Variants in ADGRL2 observed in about 807,000 individuals in gnomAD.
The protein encoded by ADGRL2 is calcium-independent alpha-latrotoxin receptor 2.
In ADGRL2, 44 loss-of-function variants were observed where a neutral mutation model predicts 157.4. The ratio of observed to expected loss-of-function variants is 0.28; its 90% confidence interval spans 0.22 to 0.36. The LOEUF (loss-of-function observed/expected upper bound fraction) is 0.36. Ranked by LOEUF, ADGRL2 falls within the 10% of genes least tolerant of loss-of-function variation. The pLI is 1.00. For missense variants in ADGRL2, 1,510 were observed against 1,768.9 expected (o/e 0.85, Z 2.63); for synonymous variants, 585 against 624.7 (o/e 0.94, Z 0.95).
At chr1:81,841,026 A>G (rs990164384) in intron 2 of ADGRL2, among the ~76,000 whole-genome samples, 2 of 152,168 alleles carry the variant, frequency 1.3e-5, no homozygotes, top group African/African-American at 4.8e-5. Context: ...CTTGGCAAGC[A>G]TAAGTTAGAC....
intron 2 of ADGRL2, among the ~76,000 whole-genome samples, chr1:81,465,972 G>A (rs1371362695): frequency 2.6e-5 from 4 of 152,100 alleles, no homozygotes; most frequent in Non-Finnish European, 1.5e-5. Flanking sequence ...AAAAAAGTGA[G>A]GAAAGACCAA....
intron 3 of ADGRL2, among the ~76,000 whole-genome samples, chr1:81,590,864 G>A (rs1290779452): frequency 6.6e-6 from 1 of 151,748 alleles, no homozygotes; most frequent in East Asian, 1.9e-4. Context: ...ACTTTGCTAG[G>A]TATTAAATCC....
chr1:81,699,413 T>C (rs2149025291), upstream of ADGRL2, among the ~76,000 whole-genome samples: 1 of 152,296 alleles, frequency 6.6e-6, no homozygotes, highest in Admixed American at 6.5e-5. Context: ...ACAATGACGG[T>C]GCTGCTTAAC....
chr1:81,766,344 T>A (rs892773353), intron 2 of ADGRL2, among the ~76,000 whole-genome samples: 2 of 152,178 alleles, frequency 1.3e-5, no homozygotes, highest in African/African-American at 2.4e-5. Context: ...CTAAACAATA[T>A]CGTAAGTTGG....
chr1:81,371,479 A>G (rs745807176), intron 1 of ADGRL2, among the ~76,000 whole-genome samples: 19 of 152,214 alleles, frequency 1.2e-4, no homozygotes, highest in Non-Finnish European at 2.6e-4. Context: ...ACACGTTTCT[A>G]TTAATATTGA....
chr1:81,875,742 G>C (rs1028692896), intron 2 of ADGRL2, among the ~76,000 whole-genome samples: 3 of 152,064 alleles, frequency 2.0e-5, no homozygotes, highest in African/African-American at 7.2e-5. Flanking sequence ...GGGGGCTTAG[G>C]GTTTATGTGT....
At chr1:81,903,956 A>T (rs1448379501) in intron 2 of ADGRL2, among the ~76,000 whole-genome samples, 1 of 151,710 alleles carries the variant, frequency 6.6e-6, no homozygotes, top group African/African-American at 2.4e-5. Flanking sequence ...TGACAATTTA[A>T]ATATTTTTTT....
At chr1:81,322,139 CAT>C (rs1660564610) in intron 1 of ADGRL2, among the ~76,000 whole-genome samples, 2 of 105,732 alleles carry the variant, frequency 1.9e-5, no homozygotes, top group African/African-American at 6.6e-5. Flanking sequence ...CACACACGTA[CAT>C]ATATATACAT....
At chr1:81,889,893 A>ATT (rs2094216598) in intron 2 of ADGRL2, among the ~76,000 whole-genome samples, 1 of 152,134 alleles carries the variant, frequency 6.6e-6, no homozygotes, top group Admixed American at 6.5e-5. Flanking sequence ...ATACAGATGT[A>ATT]CCCACCCTTC....
chr1:81,695,194 G>T (rs528893994), upstream of ADGRL2, among the ~76,000 whole-genome samples: 4 of 151,710 alleles, frequency 2.6e-5, no homozygotes, highest in Non-Finnish European at 4.4e-5. Context: ...ATAACATACC[G>T]TCCTTTAATT....
At chr1:81,490,300 T>C (rs1031499402) in intron 2 of ADGRL2, among the ~76,000 whole-genome samples, 3 of 152,094 alleles carry the variant, frequency 2.0e-5, no homozygotes, top group African/African-American at 7.2e-5. Flanking sequence ...TCTGGCTACT[T>C]TTTGTATTTT....
chr1:81,990,037 C>G, intron 23 of ADGRL2: 3 of 984,674 alleles, frequency 3.0e-6, no homozygotes, highest in Non-Finnish European at 3.6e-6. Flanking sequence ...ATGTAAATGT[C>G]ACTAATGAAT....
At chr1:81,967,243 T>C (rs1303918922) in intron 13 of ADGRL2, among the ~76,000 whole-genome samples, 12 of 150,420 alleles carry the variant, frequency 8.0e-5, no homozygotes, top group Non-Finnish European at 1.6e-4. Context: ...GGTACTCATA[T>C]CTGCTTCAGT....
At chr1:81,344,945 A>G (rs975333461) in intron 1 of ADGRL2, among the ~76,000 whole-genome samples, 1 of 152,176 alleles carries the variant, frequency 6.6e-6, no homozygotes, top group Non-Finnish European at 1.5e-5. Context: ...AAATTCATTC[A>G]TTCATCAACT....
At chr1:81,539,007 C>CAAAAAAAA (rs71242586) in intron 2 of ADGRL2, among the ~76,000 whole-genome samples, 1 of 82,520 alleles carries the variant, frequency 1.2e-5, no homozygotes, top group African/African-American at 5.0e-5. Context: ...GACCCTGTCT[C>CAAAAAAAA]AAAAAAAAAA....
In ADGRL2 at chr1:81,970,358, G is replaced by T; in HGVS notation, c.2778G>T (p.Leu926Phe). 2 of 1,594,880 alleles carry T rather than the reference G, an allele frequency of 1.3e-6. No homozygotes were observed. The highest frequency in any genetic ancestry group is 1.7e-6 in the Non-Finnish European group (2 of 1,174,100). Residue 926 changes from leucine (L) to phenylalanine (F), a missense_variant, in exon 16 of 24, where the codon TTG becomes TTT. Leu to Phe is a conservative substitution (Grantham distance 22). This residue lies in a region of ADGRL2 where 497 missense variants were observed against 627.2 expected (regional missense o/e 0.79). Transcript: ENST00000686636. Reference protein sequence around the residue: ...IFAGLLHFFFLAAFAWMCLEG... With the variant: ...IFAGLLHFFFFAAFAWMCLEG... ...CAGGACTTCTACACTTTTTCTTTTT[G>T]GCAGCTTTTGCTTGGATGTGCCTAG...
At chr1:81,540,094 T>G (rs1238156235) in intron 2 of ADGRL2, among the ~76,000 whole-genome samples, 1 of 152,190 alleles carries the variant, frequency 6.6e-6, no homozygotes, top group East Asian at 1.9e-4. Flanking sequence ...CTACGATTGT[T>G]TCTCCATCTG....
At chr1:81,479,672 T>C (rs961155759) in intron 2 of ADGRL2, among the ~76,000 whole-genome samples, 1 of 152,176 alleles carries the variant, frequency 6.6e-6, no homozygotes, top group Non-Finnish European at 1.5e-5. Context: ...AAAAAGAATG[T>C]TGATTATTGC....
chr1:81,371,946 G>A (rs1345373396), intron 1 of ADGRL2, among the ~76,000 whole-genome samples: 1 of 152,136 alleles, frequency 6.6e-6, no homozygotes, highest in Non-Finnish European at 1.5e-5. Context: ...AGGAATAAGT[G>A]CTAAAACACA....
Sources: allele counts gnomAD v4.1 joint callset (sites outside exome capture counted in the v4.1 genomes callset), GRCh38; gene constraint gnomAD v4.1.1; regional missense constraint gnomAD v4.1.1; transcripts MANE v1.5; gene names NCBI Gene and HGNC (gene_info 2026-07-23, HGNC 2026-07-21).